Variants in FARP2 observed in about 807,000 individuals in gnomAD.
The protein encoded by FARP2 is FERM, ARHGEF and pleckstrin domain-containing protein 2.
In FARP2, 111 loss-of-function variants were observed where a neutral mutation model predicts 130.5. The observed-to-expected ratio is 0.85, with a 90% CI of 0.73 to 1.00. FARP2 has a LOEUF of 1.00. Ranked by LOEUF, FARP2 falls within the 50% of genes least tolerant of loss-of-function variation. The pLI is 0.00. For missense variants in FARP2, 1,385 were observed against 1,346.3 expected, an observed-to-expected ratio of 1.03 and a Z score of -0.45; for synonymous variants, 504 against 516.9, an observed-to-expected ratio of 0.98 and a Z score of 0.34.
chr2:241,482,507 A>G lies in FARP2; in HGVS notation c.2263-958A>G, dbSNP rs1295744512. On this transcript the variant is annotated intron_variant, in intron 19 of 26. Coordinates refer to ENST00000264042, the MANE Select transcript of FARP2 (RefSeq NM_014808.4). The surrounding 1 kb of genome is among the most constrained non-coding windows in gnomAD (Gnocchi z 4.6). ...CCCTGTGGCCTCTCAGAGTAGGGCT[A>G]GGAGGCAGATGTGGAGTGAGAGCCA... Among the ~76,000 whole-genome samples the G allele has an allele frequency of 6.6e-6, 1 of 152,182 alleles. No individual in the cohort carries two copies. Among genetic ancestry groups the G allele is most frequent in the Non-Finnish European group, 1.5e-5 (1 of 68,024 alleles).
At chr2:241,429,165 C>G in intron 8 of FARP2, among the ~76,000 whole-genome samples, 1 of 152,218 alleles carries the variant, frequency 6.6e-6, no homozygotes, top group East Asian at 1.9e-4. Flanking sequence ...GAAACCATTT[C>G]AAGCTTATAG....
intron 12 of FARP2, among the ~76,000 whole-genome samples, chr2:241,437,670 A>ATTTATTTATTT (rs1553723709): frequency 3.0e-5 from 4 of 133,112 alleles, no homozygotes; most frequent in African/African-American, 1.1e-4. Context: ...TTATTTATTT[A>ATTTATTTATTT]TTTTTTTTTT....
In FARP2 at chr2:241,482,019, T is replaced by C. The variant is rs2064628264; in HGVS notation, c.2263-1446T>C. On this transcript the variant is annotated intron_variant, in intron 19 of 26. Coordinates refer to ENST00000264042, the MANE Select transcript of FARP2 (RefSeq NM_014808.4). The surrounding 1 kb of genome is among the most constrained non-coding windows in gnomAD (Gnocchi z 4.6). The stretch of plus-strand genomic sequence containing the variant: ...AAGTCATGTCTGGATAGCCCAGAAT[T>C]TCTTGTCTTCCTGAGTTAAATATGT... Among the ~76,000 whole-genome samples, 1 of 152,244 alleles carries C rather than the reference T, an allele frequency of 6.6e-6. No homozygotes were observed. The highest frequency in any genetic ancestry group is 2.4e-5 in the African/African-American group (1 of 41,460).
intron 5 of FARP2, among the ~76,000 whole-genome samples, chr2:241,408,322 A>G (rs1007735806): frequency 1.3e-5 from 2 of 152,128 alleles, no homozygotes; most frequent in Non-Finnish European, 2.9e-5. Context: ...CAGTGAGTCA[A>G]GATCACATCA....
At chr2:241,409,604 C>G (rs1393165906) in intron 5 of FARP2, among the ~76,000 whole-genome samples, 1 of 152,156 alleles carries the variant, frequency 6.6e-6, no homozygotes, top group Non-Finnish European at 1.5e-5. Flanking sequence ...ATTTACTCAG[C>G]ACCTTATTCT....
At chr2:241,403,980 G>C in intron 3 of FARP2, 48 bp downstream of exon 3, 1 of 960,626 alleles carries the variant, frequency 1.0e-6, no homozygotes, top group Non-Finnish European at 1.7e-6. Context: ...GGCCTGCTGT[G>C]ATGACAGCCG....
At chr2:241,365,438 CTT>C (rs1295536409) in intron 1 of FARP2, among the ~76,000 whole-genome samples, 3 of 152,152 alleles carry the variant, frequency 2.0e-5, no homozygotes, top group African/African-American at 7.2e-5. Context: ...ATATTAACCT[CTT>C]AATATCATCT....
chr2:241,460,011 T>A (rs2063971936), intron 14 of FARP2, among the ~76,000 whole-genome samples: 1 of 152,156 alleles, frequency 6.6e-6, no homozygotes, highest in Non-Finnish European at 1.5e-5. Flanking sequence ...GACTCGAGCA[T>A]CCTGTTTCTT....
intron 15 of FARP2, among the ~76,000 whole-genome samples, chr2:241,463,052 T>G (rs902799164): frequency 6.6e-6 from 1 of 152,226 alleles, no homozygotes; most frequent in African/African-American, 2.4e-5. Context: ...ATATATCTGT[T>G]TTAAAACTAT....
At chr2:241,460,176 CTG>C (rs918496083) in intron 14 of FARP2, among the ~76,000 whole-genome samples, 1 of 152,216 alleles carries the variant, frequency 6.6e-6, no homozygotes, top group African/African-American at 2.4e-5. Context: ...TGTCCCTCAG[CTG>C]TGTGGGGAAG....
chr2:241,493,173 A>T (rs1028797927), intron 25 of FARP2, 120 bp from the exon 26 acceptor site: 2 of 1,272,210 alleles, frequency 1.6e-6, no homozygotes, highest in Non-Finnish European at 1.1e-6. Flanking sequence ...GTGAACAGGG[A>T]AACTGGCTCC....
intron 1 of FARP2, among the ~76,000 whole-genome samples, chr2:241,368,489 G>T (rs181883346): frequency 6.6e-6 from 1 of 152,060 alleles, no homozygotes; most frequent in Non-Finnish European, 1.5e-5. Context: ...GTTTATAAGC[G>T]CACAAAGCAA....
At chr2:241,457,039 C>CA in intron 14 of FARP2, 117 bp downstream of exon 14, 4 of 897,424 alleles carry the variant, frequency 4.5e-6, no homozygotes, top group Non-Finnish European at 6.5e-6. Flanking sequence ...GCTCTGCACT[C>CA]ACAGCCGCCT....
chr2:241,456,654 C>T lies in FARP2; in HGVS notation c.1412-93C>T, dbSNP rs556487916. 7.9e-5 allele frequency: 97 copies of T among 1,232,884 alleles called. No homozygotes were observed. In the African/African-American group the frequency reaches 1.0e-3, roughly 13 times the overall value. The allele number at this position is 1,232,884 out of a possible 1,614,324, so 76.4% of individuals were successfully genotyped here. A position where few individuals can be genotyped will look rare whatever the true frequency, so the allele number is the denominator to read the frequency against. On this transcript the variant is annotated intron_variant, in intron 13 of 26. Transcript: ENST00000264042. ...AGCGCCTGGCACTGTGTGAGGCTGGCGGTTGAATGGTCAGGAGAGTAGTAG... is the reference window on the plus strand; with the variant it reads ...AGCGCCTGGCACTGTGTGAGGCTGGTGGTTGAATGGTCAGGAGAGTAGTAG...
intron 8 of FARP2, among the ~76,000 whole-genome samples, chr2:241,422,020 T>C (rs1446658817): frequency 6.6e-6 from 1 of 151,872 alleles, no homozygotes; most frequent in Non-Finnish European, 1.5e-5. Flanking sequence ...GGTGGGCACC[T>C]GTAGTCCCAG....
chr2:241,425,956 G>C (rs967781300), intron 8 of FARP2, among the ~76,000 whole-genome samples: 1 of 151,534 alleles, frequency 6.6e-6, no homozygotes, highest in African/African-American at 2.4e-5. Flanking sequence ...TGTGTGTGGG[G>C]CTCTAGACTA....
At position 241,481,952 on chromosome 2, in the gene FARP2, C is replaced by T. The variant is rs1028569933; in HGVS notation, c.2263-1513C>T. On this transcript the variant is annotated intron_variant, in intron 19 of 26. Transcript: ENST00000264042. ...GGCCTTGCATGAAGTAGATGCTGTGCAAATTCAAATAATAATTTGTTATTA... is the reference window on the plus strand; with the variant it reads ...GGCCTTGCATGAAGTAGATGCTGTGTAAATTCAAATAATAATTTGTTATTA... 5.7e-4 allele frequency among the ~76,000 whole-genome samples: 87 copies of T among 152,140 alleles called. 1 individual carries two copies. The highest frequency in any genetic ancestry group is 1.1e-3 in the Non-Finnish European group (72 of 68,024).
Position 241,384,931 on chromosome 2 carries a change from A to G in FARP2, c.183+11641A>G, listed in dbSNP as rs182833856. Among the ~76,000 whole-genome samples, 733 of 152,328 alleles carry G rather than the reference A, an allele frequency of 4.8e-3. 3 individuals are homozygous for G. The highest frequency in any genetic ancestry group is 0.017 in the Middle Eastern group (5 of 294). On this transcript the variant is annotated intron_variant, in intron 2 of 26. Transcript: ENST00000264042. ...TCTGGCTTTAATTTACATCAATTGT[A>G]AATTTCTTAAAAACATAGAAAATAA...
intron 9 of FARP2, among the ~76,000 whole-genome samples, chr2:241,433,871 CA>C (rs552327643): frequency 4.5e-4 from 68 of 152,152 alleles, no homozygotes; most frequent in African/African-American, 1.5e-3. Context: ...ACAAAAAATA[CA>C]AAAATCAGCT....
Sources: gnomAD v4.1 joint callset for allele counts (sites outside exome capture counted in the v4.1 genomes callset) on GRCh38, gnomAD v4.1.1 for gene constraint, Gnocchi (gnomAD v3.1) non-coding constraint, MANE v1.5 for transcripts, NCBI Gene and HGNC (gene_info 2026-07-23, HGNC 2026-07-21) for gene names.